PCCA: variants seen among roughly 807,000 people sequenced by gnomAD.
PCCA encodes the protein propionyl-CoA carboxylase alpha chain, mitochondrial.
Under a neutral mutation model 101.3 loss-of-function variants are expected in PCCA, and 74 were observed. The observed-to-expected ratio is 0.73, with a 90% CI of 0.61 to 0.89. PCCA has a LOEUF of 0.89. PCCA is among the 40% of genes least tolerant of loss of function. The pLI, the probability that PCCA is intolerant of heterozygous loss-of-function variation, is 0.00. For synonymous variants in PCCA, 294 were observed against 313.6 expected (o/e 0.94, Z 0.66); for missense variants, 891 against 907.0 (o/e 0.98, Z 0.23).
intron 16 of PCCA, among the ~76,000 whole-genome samples, chr13:100,313,749 G>A (rs1373305226): frequency 6.6e-6 from 1 of 152,114 alleles, no homozygotes; most frequent in Non-Finnish European, 1.5e-5. Flanking sequence ...AATGAACAGG[G>A]GCAGCTTGGA....
chr13:100,342,159 TCTTC>T (rs1159068927), intron 18 of PCCA, among the ~76,000 whole-genome samples: 1 of 151,758 alleles, frequency 6.6e-6, no homozygotes, highest in South Asian at 2.1e-4. Context: ...AAAAAATCTA[TCTTC>T]CTTGTTTCAT....
At chr13:100,286,195 C>A (rs2064630274) in intron 12 of PCCA, among the ~76,000 whole-genome samples, 1 of 152,126 alleles carries the variant, frequency 6.6e-6, no homozygotes, top group African/African-American at 2.4e-5. Flanking sequence ...GATTCAGAAA[C>A]CTTTTTATTT....
At chr13:100,364,563 A>G (rs1305047457) in intron 18 of PCCA, among the ~76,000 whole-genome samples, 1 of 152,198 alleles carries the variant, frequency 6.6e-6, no homozygotes, top group African/African-American at 2.4e-5. Context: ...TGCCCAACCC[A>G]TCCATTTTAT....
At chr13:100,402,614 T>C (rs2077435318) in intron 19 of PCCA, among the ~76,000 whole-genome samples, 1 of 152,130 alleles carries the variant, frequency 6.6e-6, no homozygotes, top group African/African-American at 2.4e-5. Flanking sequence ...ACAGTAATGA[T>C]TGTAATATAA....
intron 4 of PCCA, among the ~76,000 whole-genome samples, chr13:100,134,598 C>T (rs35077778): frequency 1.3e-3 from 195 of 152,228 alleles, no homozygotes; most frequent in Non-Finnish European, 2.3e-3. Context: ...GCTCTGTTGC[C>T]CAGGCTGGAG....
chr13:100,232,334 ATG>A (rs749169180), intron 7 of PCCA, among the ~76,000 whole-genome samples: 1 of 108,930 alleles, frequency 9.2e-6, no homozygotes, highest in African/African-American at 3.4e-5. Flanking sequence ...GTTTATGTTT[ATG>A]TGTGTGTGTG....
At chr13:100,270,323 G>A (rs376704417) in intron 11 of PCCA, among the ~76,000 whole-genome samples, 14 of 152,326 alleles carry the variant, frequency 9.2e-5, no homozygotes, top group African/African-American at 3.4e-4. Context: ...CTGTAGTACT[G>A]TAGTATGGAG....
chr13:100,424,992 A>G (rs2079050556), intron 19 of PCCA, among the ~76,000 whole-genome samples: 1 of 152,160 alleles, frequency 6.6e-6, no homozygotes, highest in Admixed American at 6.5e-5. Flanking sequence ...CATTACTTTT[A>G]TATTTATTTG....
intron 6 of PCCA, among the ~76,000 whole-genome samples, chr13:100,191,662 A>G (rs2152449424): frequency 6.6e-6 from 1 of 152,302 alleles, no homozygotes; most frequent in South Asian, 2.1e-4. Context: ...AATCCTGCCC[A>G]ACACTTGTTT....
At chr13:100,418,685 T>C (rs903154324) in intron 19 of PCCA, among the ~76,000 whole-genome samples, 10 of 151,784 alleles carry the variant, frequency 6.6e-5, no homozygotes, top group African/African-American at 2.2e-4. Context: ...ATACAAAATA[T>C]TAGCCGGGCA....
chr13:100,218,014 G>T (rs1174404810), intron 7 of PCCA, among the ~76,000 whole-genome samples: 4 of 151,350 alleles, frequency 2.6e-5, no homozygotes, highest in Non-Finnish European at 5.9e-5. Context: ...GGAGGAGGTT[G>T]CAGTGAGCTG....
intron 20 of PCCA, among the ~76,000 whole-genome samples, chr13:100,426,988 G>T (rs948376164): frequency 6.6e-6 from 1 of 152,222 alleles, no homozygotes; most frequent in Non-Finnish European, 1.5e-5. Context: ...GGCCAAGGCA[G>T]GCGGATCACC....
intron 12 of PCCA, among the ~76,000 whole-genome samples, chr13:100,289,932 A>AT (rs944835718): frequency 2.0e-5 from 3 of 151,910 alleles, no homozygotes; most frequent in Admixed American, 6.6e-5. Context: ...TGTGTAGCAC[A>AT]TTTTTTCATG....
intron 21 of PCCA, among the ~76,000 whole-genome samples, chr13:100,461,865 A>G (rs2152942615): frequency 6.6e-6 from 1 of 152,270 alleles, no homozygotes; most frequent in East Asian, 1.9e-4. Flanking sequence ...GGGAAAAGAG[A>G]AACGGATAGA....
intron 2 of PCCA, among the ~76,000 whole-genome samples, chr13:100,105,741 C>T (rs1296243951): frequency 7.1e-6 from 1 of 141,478 alleles, no homozygotes; most frequent in Admixed American, 7.4e-5. Flanking sequence ...ACACAGGAAG[C>T]TAAGTTGGGA....
At chr13:100,517,045 TCGTG>T (rs1227663487) in intron 22 of PCCA, among the ~76,000 whole-genome samples, 12 of 69,854 alleles carry the variant, frequency 1.7e-4, no homozygotes, top group African/African-American at 6.3e-4. Flanking sequence ...AATTATAAAA[TCGTG>T]TGTGTGTGTG....
At chr13:100,354,121 A>ATAATAAT (rs57382165) in intron 18 of PCCA, among the ~76,000 whole-genome samples, 20 of 139,656 alleles carry the variant, frequency 1.4e-4, no homozygotes, top group African/African-American at 5.2e-4. Flanking sequence ...AATAATAATA[A>ATAATAAT]AATAATTCGC....
chr13:100,099,588 A>T (rs7991180), intron 1 of PCCA, among the ~76,000 whole-genome samples: 66,744 of 151,700 alleles, frequency 0.44, 15,304 homozygotes, highest in East Asian at 0.69. Context: ...AAGTGCTGGG[A>T]TTACAGGCGT....
intron 6 of PCCA, among the ~76,000 whole-genome samples, chr13:100,191,111 G>A (rs1436163401): frequency 1.3e-5 from 2 of 151,974 alleles, no homozygotes; most frequent in Admixed American, 6.6e-5. Context: ...AAAACAAAAC[G>A]CCCTCCTCAA....
Sources: gnomAD v4.1 joint callset for allele counts (sites outside exome capture counted in the v4.1 genomes callset) on GRCh38, gnomAD v4.1.1 for gene constraint, MANE v1.5 for transcripts, NCBI Gene and HGNC (gene_info 2026-07-23, HGNC 2026-07-21) for gene names.